Variants in ZBTB40 observed in about 807,000 individuals in gnomAD.
The protein encoded by ZBTB40 is zinc finger and BTB domain containing 40, also known as zinc finger and BTB domain-containing protein 40.
Under a neutral mutation model 117.5 loss-of-function variants are expected in ZBTB40, and 60 were observed. That is an observed-to-expected ratio of 0.51 (90% CI 0.41 to 0.63). The LOEUF (loss-of-function observed/expected upper bound fraction) is 0.63, where lower values mean the gene tolerates loss of function less well. Ranked by LOEUF, ZBTB40 falls within the 30% of genes least tolerant of loss-of-function variation. The pLI, the probability that ZBTB40 is intolerant of heterozygous loss-of-function variation, is 0.00. For synonymous variants in ZBTB40, 525 were observed against 577.1 expected, an observed-to-expected ratio of 0.91 and a Z score of 1.29; for missense variants, 1,287 against 1,498.5, an observed-to-expected ratio of 0.86 and a Z score of 2.33.
intron 1 of ZBTB40, among the ~76,000 whole-genome samples, chr1:22,459,149 C>T (rs184196397): frequency 1.2e-3 from 182 of 152,202 alleles, no homozygotes; most frequent in Non-Finnish European, 1.4e-3. Flanking sequence ...TTCCAGTTGT[C>T]ATATGCTTGA....
intron 1 of ZBTB40, among the ~76,000 whole-genome samples, chr1:22,434,357 C>G (rs558159078): frequency 6.6e-6 from 1 of 152,018 alleles, no homozygotes; most frequent in Non-Finnish European, 1.5e-5. Flanking sequence ...AAAATGAATC[C>G]TTTGTCTGTA....
At chr1:22,515,844 A>G (rs571606276) in intron 12 of ZBTB40, among the ~76,000 whole-genome samples, 1 of 152,332 alleles carries the variant, frequency 6.6e-6, no homozygotes, top group East Asian at 1.9e-4. Flanking sequence ...TGAGCAGAGA[A>G]TGAGTGGTAG....
chr1:22,477,501 T>C (rs1295490959), intron 1 of ZBTB40, among the ~76,000 whole-genome samples: 1 of 151,992 alleles, frequency 6.6e-6, no homozygotes, highest in Non-Finnish European at 1.5e-5. Flanking sequence ...ATACAAAAAT[T>C]AGCTGGGCAT....
chr1:22,439,484 A>G (rs1341354934), intron 1 of ZBTB40, among the ~76,000 whole-genome samples: 1 of 152,144 alleles, frequency 6.6e-6, no homozygotes, highest in Admixed American at 6.6e-5. Context: ...TCTTACATTT[A>G]TGTGTTCAAT....
intron 16 of ZBTB40, 32 bp from the exon 17 acceptor site, chr1:22,524,186 C>G (rs756712497): frequency 6.2e-7 from 1 of 1,605,188 alleles, no homozygotes; most frequent in Non-Finnish European, 8.5e-7. Flanking sequence ...ATTTTACCCA[C>G]AGCCCTCCCC....
intron 9 of ZBTB40, 113 bp from the exon 10 acceptor site, chr1:22,511,066 A>C: frequency 7.3e-7 from 1 of 1,368,392 alleles, no homozygotes; most frequent in Non-Finnish European, 1.0e-6. Context: ...ACTGCTTATA[A>C]ATGGAGCAGT....
At chr1:22,465,097 A>G (rs1366174032) in intron 1 of ZBTB40, among the ~76,000 whole-genome samples, 1 of 152,200 alleles carries the variant, frequency 6.6e-6, no homozygotes, top group African/African-American at 2.4e-5. Context: ...AGAACAGCTC[A>G]GAGGAGACCC....
rs558000429 is a variant in ZBTB40, at chr1:22,526,330, C to A, written c.3654C>A (p.Leu1218=). The A allele has an allele frequency of 6.2e-7, 1 of 1,614,174 alleles. No individual in the cohort carries two copies. Among genetic ancestry groups the A allele is most frequent in the Admixed American group, 1.7e-5 (1 of 60,020 alleles). Residue 1218 remains leucine (L), a synonymous_variant, in exon 18 of 18, where the codon CTC becomes CTA. Coordinates refer to ENST00000375647, the MANE Select transcript of ZBTB40 (RefSeq NM_014870.4). ...DSQASQASSE[L]VAVTVEDLLD... Reference sequence around the variant, plus strand: ...AGGCATCTCAGGCCAGCTCTGAGCTCGTGGCGGTGACTGTGGAGGACTTGC... The same window carrying A: ...AGGCATCTCAGGCCAGCTCTGAGCTAGTGGCGGTGACTGTGGAGGACTTGC...
At chr1:22,524,940 C>G (rs1016541881) in intron 17 of ZBTB40, among the ~76,000 whole-genome samples, 2 of 152,210 alleles carry the variant, frequency 1.3e-5, no homozygotes, top group African/African-American at 4.8e-5. Context: ...CCCAGATCCT[C>G]TTTTACTCTT....
intron 1 of ZBTB40, 96 bp downstream of exon 1, chr1:22,452,100 CGCGTGGCGAA>C (rs1386423441): frequency 1.3e-5 from 2 of 152,376 alleles, no homozygotes; most frequent in Non-Finnish European, 2.9e-5. Context: ...CAGACCCTTC[CGCGTGGCGAA>C]CTCCGCGGGA....
At chr1:22,441,871 A>G (rs1640737102) in intron 1 of ZBTB40, among the ~76,000 whole-genome samples, 1 of 152,104 alleles carries the variant, frequency 6.6e-6, no homozygotes, top group African/African-American at 2.4e-5. Flanking sequence ...TGTTGATTTT[A>G]GATCTTTCTT....
rs763042381 is a variant in ZBTB40, at chr1:22,517,345, C to CTG, written c.2715_2716insGT (p.Ile906ValfsTer8). ...TACTGTGATGCTGTGTTTGCCCAGT[C>CTG]TATTGAGCTGTCCCGCCACGTGAGG... On this transcript the variant is annotated frameshift_variant, in exon 13 of 18. Coordinates refer to ENST00000375647, the MANE Select transcript of ZBTB40 (RefSeq NM_014870.4). LOFTEE classifies it high-confidence loss of function. The CTG allele has an allele frequency of 1.2e-6, 2 of 1,614,204 alleles. No individual in the cohort carries two copies. The highest frequency in any genetic ancestry group is 1.7e-6 in the Non-Finnish European group (2 of 1,180,036).
At chr1:22,508,220 T>C in intron 7 of ZBTB40, 83 bp downstream of exon 7, 2 of 1,473,578 alleles carry the variant, frequency 1.4e-6, no homozygotes. Context: ...ACATTTATAT[T>C]TTCTGTAAAT....
At chr1:22,492,092 T>A in intron 3 of ZBTB40, among the ~76,000 whole-genome samples, 1 of 152,324 alleles carries the variant, frequency 6.6e-6, no homozygotes, top group African/African-American at 2.4e-5. Context: ...GTGAGTATTA[T>A]TGTTAAGTCC....
intron 15 of ZBTB40, 85 bp from the exon 16 acceptor site, chr1:22,522,292 C>G: frequency 7.4e-7 from 1 of 1,352,722 alleles, no homozygotes; most frequent in South Asian, 1.2e-5. Context: ...TGGCCATCGC[C>G]CCAACCCCAG....
At chr1:22,483,791 T>C (rs1280871179) in intron 1 of ZBTB40, among the ~76,000 whole-genome samples, 1 of 152,196 alleles carries the variant, frequency 6.6e-6, no homozygotes, top group African/African-American at 2.4e-5. Flanking sequence ...CTGTCATGGA[T>C]TGTGCCTTTG....
rs142069035 is a variant in ZBTB40, at chr1:22,508,792, AG to A, written c.1699+62del. On this transcript the variant is annotated intron_variant, in intron 8 of 17. Transcript: ENST00000375647. Reference sequence around the variant, plus strand: ...ACTAGAGATGACTGTCAGTCTTCCTAGAAAATAGGAAGAGCTCTCTTAACGG... The same window carrying A: ...ACTAGAGATGACTGTCAGTCTTCCTAAAAATAGGAAGAGCTCTCTTAACGG... 2,456 of 1,533,048 alleles carry A rather than the reference AG, an allele frequency of 1.6e-3. 48 individuals carry two copies. The African/African-American group carries it at 0.031, about 19-fold the overall frequency. The allele number at this position is 1,533,048 out of a possible 1,614,324, so 95.0% of individuals were successfully genotyped here.
In ZBTB40 at chr1:22,512,919, C is replaced by T; in HGVS notation, c.2462-5C>T. ...TCTGGCCTCTGGTGTGCTTGGCTTC[C>T]CTAGGCATGCAGTACCATAAGCTGA... On this transcript the variant is annotated splice_polypyrimidine_tract_variant and splice_region_variant and intron_variant, in intron 11 of 17. Transcript: ENST00000375647. The T allele has an allele frequency of 6.2e-7, 1 of 1,614,160 alleles. No individual in the cohort carries two copies. Among genetic ancestry groups the T allele is most frequent in the Non-Finnish European group, 8.5e-7 (1 of 1,180,014 alleles).
intron 2 of ZBTB40, among the ~76,000 whole-genome samples, 194 bp from the exon 3 acceptor site, chr1:22,491,206 A>G (rs1191965961): frequency 1.3e-5 from 2 of 152,190 alleles, no homozygotes; most frequent in Admixed American, 6.5e-5. Flanking sequence ...ATTATCTGCT[A>G]TTTTAACCAG....
Sources: gnomAD v4.1 joint callset for allele counts (sites outside exome capture counted in the v4.1 genomes callset) on GRCh38, gnomAD v4.1.1 for gene constraint, MANE v1.5 for transcripts, NCBI Gene and HGNC (gene_info 2026-07-23, HGNC 2026-07-21) for gene names.